APBB2: variants seen among roughly 807,000 people sequenced by gnomAD.
APBB2 encodes the protein Fe65-like 1.
In APBB2, 38 loss-of-function variants were observed where a neutral mutation model predicts 82.5. The ratio of observed to expected loss-of-function variants is 0.46; its 90% confidence interval spans 0.36 to 0.60. APBB2 has a LOEUF of 0.60. APBB2 is among the 20% of genes least tolerant of loss of function. The probability of loss-of-function intolerance (pLI) is 0.00; values close to 1 mark genes in which losing one functional copy is unlikely to be tolerated. For synonymous variants in APBB2, 341 were observed against 368.2 expected, an observed-to-expected ratio of 0.93 and a Z score of 0.85; for missense variants, 772 against 972.3, an observed-to-expected ratio of 0.79 and a Z score of 2.74.
At chr4:40,856,779 C>T (rs999689560) in intron 12 of APBB2, among the ~76,000 whole-genome samples, 3 of 152,244 alleles carry the variant, frequency 2.0e-5, no homozygotes, top group Non-Finnish European at 4.4e-5. Context: ...CGCCTCCCCC[C>T]CATTTCATAC....
chr4:40,950,437 C>G (rs902462790), intron 6 of APBB2, among the ~76,000 whole-genome samples: 1 of 152,190 alleles, frequency 6.6e-6, no homozygotes, highest in Non-Finnish European at 1.5e-5. Context: ...ATTGGCCAGG[C>G]ACAGTGGCTC....
At chr4:40,886,395 G>A (rs1169471383) in intron 12 of APBB2, among the ~76,000 whole-genome samples, 6 of 152,226 alleles carry the variant, frequency 3.9e-5, no homozygotes, top group East Asian at 3.9e-4. Flanking sequence ...CAGAAGAACC[G>A]CTTGAAACCG....
At chr4:40,863,669 G>A (rs1465301709) in intron 12 of APBB2, among the ~76,000 whole-genome samples, 2 of 152,040 alleles carry the variant, frequency 1.3e-5, no homozygotes, top group Non-Finnish European at 2.9e-5. Flanking sequence ...GATGTGGACA[G>A]ATCATTTGAG....
intron 3 of APBB2, among the ~76,000 whole-genome samples, chr4:41,095,777 T>A (rs1414340742): frequency 6.6e-6 from 1 of 152,152 alleles, no homozygotes; most frequent in Non-Finnish European, 1.5e-5. Context: ...AGCCTCCAGT[T>A]TTCTCTTTTC....
At chr4:41,011,064 T>C (rs1429976105) in intron 6 of APBB2, among the ~76,000 whole-genome samples, 4 of 152,070 alleles carry the variant, frequency 2.6e-5, no homozygotes, top group Non-Finnish European at 4.4e-5. Context: ...GATTAGTATT[T>C]TATATTAGTA....
intron 12 of APBB2, among the ~76,000 whole-genome samples, chr4:40,852,359 A>G (rs1392621083): frequency 6.6e-6 from 1 of 150,556 alleles, no homozygotes; most frequent in East Asian, 1.9e-4. Context: ...TTCAAAAAAA[A>G]AAAAAAAAAA....
intron 6 of APBB2, among the ~76,000 whole-genome samples, chr4:41,010,391 A>G (rs16852687): frequency 0.011 from 1,668 of 152,002 alleles, 25 homozygotes; most frequent in African/African-American, 0.039. Context: ...TGTAAAAAAA[A>G]CTCTAATCCA....
At chr4:41,122,758 A>G (rs1056474255) in intron 2 of APBB2, among the ~76,000 whole-genome samples, 2 of 152,212 alleles carry the variant, frequency 1.3e-5, no homozygotes, top group African/African-American at 2.4e-5. Context: ...TTTTTAAAAA[A>G]CATTACCAGA....
At chr4:41,040,950 G>A (rs555203532) in intron 4 of APBB2, among the ~76,000 whole-genome samples, 5 of 151,902 alleles carry the variant, frequency 3.3e-5, no homozygotes, top group Non-Finnish European at 5.9e-5. Flanking sequence ...TCGCAATCTC[G>A]GCTCACTGCA....
intron 12 of APBB2, among the ~76,000 whole-genome samples, chr4:40,881,620 G>T (rs779339705): frequency 1.5e-5 from 2 of 133,430 alleles, no homozygotes; most frequent in African/African-American, 2.8e-5. Flanking sequence ...TGCAACCTCT[G>T]CCTCCCAGGT....
chr4:41,174,429 G>T (rs554913872), intron 1 of APBB2, among the ~76,000 whole-genome samples: 13 of 152,040 alleles, frequency 8.6e-5, no homozygotes, highest in African/African-American at 2.9e-4. Flanking sequence ...ATTAACCGGC[G>T]CATCCTACAT....
At chr4:41,196,871 C>T in intron 1 of APBB2, among the ~76,000 whole-genome samples, 1 of 152,040 alleles carries the variant, frequency 6.6e-6, no homozygotes, top group Admixed American at 6.6e-5. Flanking sequence ...AATGTGTGGC[C>T]GAAGAAATCC....
intron 7 of APBB2, 63 bp from the exon 8 acceptor site, chr4:40,935,202 GA>G (rs5857759): frequency 0.56 from 449,645 of 803,716 alleles, 84,275 homozygotes; most frequent in Admixed American, 0.61. Context: ...GAAAAGAAAA[GA>G]AAAAAAAAAA....
At chr4:41,166,217 T>C (rs987992168) in intron 1 of APBB2, among the ~76,000 whole-genome samples, 1 of 152,046 alleles carries the variant, frequency 6.6e-6, no homozygotes, top group Admixed American at 6.5e-5. Flanking sequence ...CCTGTAGTTC[T>C]TCCGCTAAGC....
chr4:40,958,547 A>G (rs1792266708), intron 6 of APBB2, among the ~76,000 whole-genome samples: 1 of 152,168 alleles, frequency 6.6e-6, no homozygotes, highest in Non-Finnish European at 1.5e-5. Flanking sequence ...ATGAAAGGAG[A>G]ATGGGTGTAG....
chr4:40,837,727 G>A (rs1315991959), intron 12 of APBB2, among the ~76,000 whole-genome samples: 3 of 152,170 alleles, frequency 2.0e-5, no homozygotes, highest in East Asian at 1.9e-4. Flanking sequence ...TCCATTTAAC[G>A]CCTGCAGTCA....
At chr4:40,850,207 C>G (rs2154323417) in intron 12 of APBB2, among the ~76,000 whole-genome samples, 1 of 152,352 alleles carries the variant, frequency 6.6e-6, no homozygotes, top group Middle Eastern at 3.4e-3. Flanking sequence ...AACTCCTTGA[C>G]TCAAGTGATT....
At chr4:41,184,437 C>T (rs547026979) in intron 1 of APBB2, among the ~76,000 whole-genome samples, 3 of 152,306 alleles carry the variant, frequency 2.0e-5, no homozygotes, top group South Asian at 4.1e-4. Flanking sequence ...TATTGTTCCT[C>T]CAACAGGCCA....
intron 6 of APBB2, among the ~76,000 whole-genome samples, chr4:40,966,765 G>A (rs751284252): frequency 6.6e-6 from 1 of 152,180 alleles, no homozygotes; most frequent in Non-Finnish European, 1.5e-5. Flanking sequence ...GGAGGTTAAG[G>A]GTGGCTCGGC....
Sources: allele counts gnomAD v4.1 joint callset (sites outside exome capture counted in the v4.1 genomes callset), GRCh38; gene constraint gnomAD v4.1.1; transcripts MANE v1.5; gene names NCBI Gene and HGNC (gene_info 2026-07-23, HGNC 2026-07-21).